The following SUFU variants were observed in gnomAD, a reference collection of about 807,000 sequenced individuals.
SUFU encodes the protein suppressor of fused homolog.
In SUFU, 7 loss-of-function variants were observed where a neutral mutation model predicts 58.9. That is an observed-to-expected ratio of 0.12 (90% CI 0.07 to 0.22). The LOEUF (loss-of-function observed/expected upper bound fraction) is 0.22, where lower values mean the gene tolerates loss of function less well. Among genes scored for constraint, SUFU ranks in the 10% least tolerant of loss-of-function variants. The pLI is 1.00. For missense variants in SUFU, 451 were observed against 641.3 expected (o/e 0.70, Z 3.20); for synonymous variants, 232 against 254.8 (o/e 0.91, Z 0.85).
At chr10:102,566,033 A>T (rs1052721431) in intron 3 of SUFU, among the ~76,000 whole-genome samples, 3 of 152,192 alleles carry the variant, frequency 2.0e-5, no homozygotes, top group Non-Finnish European at 4.4e-5. Flanking sequence ...GCAAGCAGAG[A>T]TTGCCGCTGG....
At chr10:102,574,755 C>T (rs987108701) in intron 3 of SUFU, among the ~76,000 whole-genome samples, 2 of 152,088 alleles carry the variant, frequency 1.3e-5, no homozygotes, top group African/African-American at 2.4e-5. Flanking sequence ...ATTTTATCTT[C>T]GTCACTAAAA....
intron 7 of SUFU, among the ~76,000 whole-genome samples, chr10:102,598,009 C>G (rs2063481083): frequency 6.6e-6 from 1 of 152,236 alleles, no homozygotes; most frequent in Non-Finnish European, 1.5e-5. Flanking sequence ...TACTTCCTTT[C>G]TTCATTCTTC....
At chr10:102,510,916 T>C (rs1302637386) in intron 2 of SUFU, among the ~76,000 whole-genome samples, 1 of 151,570 alleles carries the variant, frequency 6.6e-6, no homozygotes, top group Non-Finnish European at 1.5e-5. Flanking sequence ...AGGTTGGGAG[T>C]TTGAGACAAG....
chr10:102,510,022 G>T (rs571863750), intron 2 of SUFU, among the ~76,000 whole-genome samples: 1 of 151,502 alleles, frequency 6.6e-6, no homozygotes, highest in South Asian at 2.1e-4. Flanking sequence ...TAATTTTTTT[G>T]TAGAGACAGG....
In SUFU at chr10:102,617,164, C is replaced by T; in HGVS notation, c.1158-126C>T. The T allele has an allele frequency of 8.0e-7, 1 of 1,244,532 alleles. No homozygotes were observed. Among genetic ancestry groups the T allele is most frequent in the Non-Finnish European group, 1.2e-6 (1 of 862,660 alleles). 77.1% of individuals were successfully genotyped at this position (1,244,532 alleles called of 1,614,324 possible). On this transcript the variant is annotated intron_variant, in intron 9 of 11. Coordinates refer to ENST00000369902, the MANE Select transcript of SUFU (RefSeq NM_016169.4). This position sits in a 1 kb window ranked among gnomAD's most constrained non-coding sequence, Gnocchi z 4.4. ...CCCCTGTTGATGGGCAGGTGGGCAG[C>T]CAGGAGGGCATGTTACCTGGCCCGC...
intron 7 of SUFU, among the ~76,000 whole-genome samples, chr10:102,597,917 G>T (rs1038456199): frequency 6.6e-6 from 1 of 152,206 alleles, no homozygotes. Context: ...AAACAGTTGT[G>T]GTTTTTAGTA....
chr10:102,547,450 G>A (rs1486025558), intron 2 of SUFU, among the ~76,000 whole-genome samples: 1 of 152,188 alleles, frequency 6.6e-6, no homozygotes, highest in Non-Finnish European at 1.5e-5. Flanking sequence ...AAAATTCCAC[G>A]TGTGTACCCT....
At chr10:102,573,857 T>A (rs1365686535) in intron 3 of SUFU, among the ~76,000 whole-genome samples, 3 of 152,124 alleles carry the variant, frequency 2.0e-5, no homozygotes, top group African/African-American at 7.2e-5. Flanking sequence ...CTGTTTACTG[T>A]ATAGAGTTTC....
intron 3 of SUFU, among the ~76,000 whole-genome samples, chr10:102,579,315 C>T (rs916608391): frequency 1.4e-4 from 21 of 152,290 alleles, no homozygotes; most frequent in African/African-American, 4.8e-4. Flanking sequence ...CACAGTCTAT[C>T]TCTAGCTAGC....
intron 10 of SUFU, among the ~76,000 whole-genome samples, chr10:102,623,225 T>A (rs780768407): frequency 2.6e-5 from 4 of 152,174 alleles, no homozygotes; most frequent in Admixed American, 1.3e-4. Context: ...AGTGCAAATA[T>A]CAGTGAGTGC....
intron 2 of SUFU, among the ~76,000 whole-genome samples, chr10:102,527,293 C>T (rs991009104): frequency 4.0e-5 from 6 of 151,864 alleles, no homozygotes; most frequent in Admixed American, 6.6e-5. Flanking sequence ...TGAGCCACCG[C>T]GCCCGGCCGA....
intron 3 of SUFU, among the ~76,000 whole-genome samples, chr10:102,570,536 GT>G (rs1228217588): frequency 8.6e-6 from 1 of 115,970 alleles, no homozygotes; most frequent in African/African-American, 3.2e-5. Flanking sequence ...GGTTTTTTTA[GT>G]TTTTTGTTTG....
In SUFU at chr10:102,512,130, G is replaced by A. The variant is rs562977081; in HGVS notation, c.317+2827G>A. On this transcript the variant is annotated intron_variant, in intron 2 of 11. Transcript: ENST00000369902. ...CAGGTTTCATCTCTTCGCTGGTCAC[G>A]TGTTGGGAGCAATGTCTGCAGCTGC... 3.3e-5 allele frequency among the ~76,000 whole-genome samples: 5 copies of A among 152,280 alleles called. 1 individual carries two copies. The highest frequency in any genetic ancestry group is 4.8e-5 in the African/African-American group (2 of 41,558).
At chr10:102,554,217 G>A (rs2062950144) in intron 3 of SUFU, among the ~76,000 whole-genome samples, 1 of 152,088 alleles carries the variant, frequency 6.6e-6, no homozygotes, top group African/African-American at 2.4e-5. Context: ...AGCCTGGCCA[G>A]CATGGTGAAA....
rs367924993 is a variant in SUFU at position 102,608,040 on chromosome 10, C to T, written c.1023-7228C>T. Among the ~76,000 whole-genome samples, 4 of 151,724 alleles carry T rather than the reference C, an allele frequency of 2.6e-5. No homozygotes were observed. In the East Asian group the frequency reaches 7.7e-4, roughly 29 times the overall value. On this transcript the variant is annotated intron_variant, in intron 8 of 11. Coordinates refer to ENST00000369902, the MANE Select transcript of SUFU (RefSeq NM_016169.4). ...AGGAGTTCAAGACCAGCCTGGCCAACATGATAAAACCCCATCTCTACAAAA... is the reference window on the plus strand; with the variant it reads ...AGGAGTTCAAGACCAGCCTGGCCAATATGATAAAACCCCATCTCTACAAAA...
intron 3 of SUFU, among the ~76,000 whole-genome samples, chr10:102,570,320 C>T (rs11598815): frequency 0.52 from 78,524 of 151,576 alleles, 20,863 homozygotes; most frequent in Middle Eastern, 0.63. Context: ...CGGCTCACTG[C>T]AACCTCCGCC....
At position 102,570,086 on chromosome 10, in the gene SUFU, G is replaced by A. The variant is rs533972900; in HGVS notation, c.454+19980G>A. 8.5e-5 allele frequency among the ~76,000 whole-genome samples: 13 copies of A among 152,252 alleles called. 1 individual carries two copies. In the South Asian group the frequency reaches 2.3e-3, roughly 27 times the overall value. On this transcript the variant is annotated intron_variant, in intron 3 of 11. Coordinates refer to ENST00000369902, the MANE Select transcript of SUFU (RefSeq NM_016169.4). Reference sequence around the variant, plus strand: ...GGATGTAGAAGAATTTCCAAATGTGGATAGGCACTGGGAGGCAGTAAACTC... The same window carrying A: ...GGATGTAGAAGAATTTCCAAATGTGAATAGGCACTGGGAGGCAGTAAACTC...
intron 3 of SUFU, among the ~76,000 whole-genome samples, chr10:102,564,756 G>C (rs916898887): frequency 2.6e-5 from 4 of 152,126 alleles, no homozygotes; most frequent in Non-Finnish European, 5.9e-5. Flanking sequence ...TAATTTTCCT[G>C]ACATTTTCTT....
At chr10:102,522,604 G>A (rs1456335047) in intron 2 of SUFU, among the ~76,000 whole-genome samples, 1 of 152,128 alleles carries the variant, frequency 6.6e-6, no homozygotes, top group Non-Finnish European at 1.5e-5. Flanking sequence ...ACCATTTAGG[G>A]CTTCTGTCAC....
Sources: allele counts gnomAD v4.1 joint callset (sites outside exome capture counted in the v4.1 genomes callset), GRCh38; gene constraint gnomAD v4.1.1; non-coding constraint Gnocchi (gnomAD v3.1); transcripts MANE v1.5; gene names NCBI Gene and HGNC (gene_info 2026-07-23, HGNC 2026-07-21).